NEGR1: variants seen among roughly 807,000 people sequenced by gnomAD.
NEGR1 encodes the protein IgLON family member 4.
Under a neutral mutation model 40.9 loss-of-function variants are expected in NEGR1, and 10 were observed. The ratio of observed to expected loss-of-function variants is 0.24; its 90% CI spans 0.15 to 0.42. The LOEUF is 0.42. Among genes scored for constraint, NEGR1 ranks in the 10% least tolerant of loss-of-function variants. NEGR1 has a pLI of 1.00. For missense variants in NEGR1, 352 were observed against 438.9 expected (o/e 0.80, Z 1.77); for synonymous variants, 185 against 166.8 (o/e 1.11, Z -0.84).
At chr1:72,160,153 AG>A (rs1378609338) in intron 1 of NEGR1, among the ~76,000 whole-genome samples, 2 of 152,146 alleles carry the variant, frequency 1.3e-5, no homozygotes, top group African/African-American at 4.8e-5. Context: ...AGCAGAACTG[AG>A]TGTGAAACTA....
rs1649423541 is a variant in NEGR1, at chr1:72,112,705, A to C, written c.176+169614T>G. On this transcript the variant is annotated intron_variant, in intron 1 of 6. Transcript: ENST00000357731. ...GAGGGGGAAAGAAAAAAAAATGAAG[A>C]AAGAGTGATCTGAAGGTTACCAGTA... is the stretch of plus-strand genomic sequence containing the variant. Among the ~76,000 whole-genome samples, 8 of 151,438 alleles carry C rather than the reference A, an allele frequency of 5.3e-5. No individual in the cohort carries two copies. The Admixed American group carries it at 5.3e-4, about 10-fold the overall frequency.
intron 2 of NEGR1, among the ~76,000 whole-genome samples, chr1:71,913,557 G>A (rs1661483983): frequency 1.3e-5 from 2 of 152,118 alleles, no homozygotes; most frequent in South Asian, 4.1e-4. Flanking sequence ...CTCAGCCTTA[G>A]CAATTCGATT....
chr1:71,931,619 A>G (rs115442446), intron 2 of NEGR1, among the ~76,000 whole-genome samples: 2,454 of 152,128 alleles, frequency 0.016, 64 homozygotes, highest in African/African-American at 0.056. Context: ...CACAACAACT[A>G]ACCCAATCCC....
At chr1:71,736,378 G>T (rs1339988736) in intron 3 of NEGR1, among the ~76,000 whole-genome samples, 1 of 152,052 alleles carries the variant, frequency 6.6e-6, no homozygotes, top group Non-Finnish European at 1.5e-5. Context: ...TAGAGATTTT[G>T]AAAATGTAAG....
chr1:71,560,208 T>A (rs1456729852), intron 6 of NEGR1, among the ~76,000 whole-genome samples: 1 of 151,208 alleles, frequency 6.6e-6, no homozygotes, highest in Non-Finnish European at 1.5e-5. Flanking sequence ...TCTATTCTTA[T>A]AGTTTCCACT....
At chr1:71,547,180 C>G (rs1364405825) in intron 6 of NEGR1, among the ~76,000 whole-genome samples, 1 of 151,694 alleles carries the variant, frequency 6.6e-6, no homozygotes, top group East Asian at 2.0e-4. Flanking sequence ...GAGGAAAACT[C>G]TTTATGAATA....
intron 5 of NEGR1, among the ~76,000 whole-genome samples, chr1:71,601,722 C>G (rs1649924414): frequency 6.6e-6 from 1 of 152,116 alleles, no homozygotes; most frequent in African/African-American, 2.4e-5. Flanking sequence ...AAATCGAATA[C>G]TGCATTCTCA....
chr1:72,111,110 A>G (rs926804240), intron 1 of NEGR1, among the ~76,000 whole-genome samples: 1 of 140,696 alleles, frequency 7.1e-6, no homozygotes, highest in Non-Finnish European at 1.6e-5. Context: ...ACACACACAC[A>G]CGTATATATA....
intron 6 of NEGR1, among the ~76,000 whole-genome samples, chr1:71,531,457 G>A (rs1192792773): frequency 6.6e-6 from 1 of 151,284 alleles, no homozygotes; most frequent in Non-Finnish European, 1.5e-5. Context: ...ATAGAGAAAA[G>A]AAGATCAAAA....
intron 1 of NEGR1, among the ~76,000 whole-genome samples, chr1:72,114,742 G>A (rs961603741): frequency 1.3e-5 from 2 of 151,750 alleles, no homozygotes; most frequent in Admixed American, 1.3e-4. Flanking sequence ...TGGTTTTAAA[G>A]AAAGCAAGAC....
intron 1 of NEGR1, among the ~76,000 whole-genome samples, chr1:72,086,495 G>A (rs931985844): frequency 6.6e-6 from 1 of 152,222 alleles, no homozygotes; most frequent in Non-Finnish European, 1.5e-5. Context: ...TTACTCCGTT[G>A]TGTGGAATAT....
intron 1 of NEGR1, among the ~76,000 whole-genome samples, chr1:72,196,276 C>T (rs906277689): frequency 2.0e-5 from 3 of 151,916 alleles, no homozygotes; most frequent in African/African-American, 7.2e-5. Flanking sequence ...CTGTATATTG[C>T]AAAAATTTCA....
intron 6 of NEGR1, among the ~76,000 whole-genome samples, chr1:71,503,441 A>C (rs968954465): frequency 2.0e-5 from 3 of 152,182 alleles, no homozygotes; most frequent in Admixed American, 6.5e-5. Flanking sequence ...AATAGGGGAC[A>C]GGAAGATCAA....
At chr1:71,856,053 G>A (rs1299694581) in intron 2 of NEGR1, among the ~76,000 whole-genome samples, 1 of 151,926 alleles carries the variant, frequency 6.6e-6, no homozygotes, top group Non-Finnish European at 1.5e-5. Context: ...CCATTCCCAT[G>A]AGCCCTTCTG....
intron 4 of NEGR1, among the ~76,000 whole-genome samples, chr1:71,630,880 T>C (rs982737793): frequency 1.3e-5 from 2 of 151,956 alleles, no homozygotes; most frequent in African/African-American, 4.8e-5. Flanking sequence ...GCTTTGGGAC[T>C]TTCATGCATA....
At position 72,122,296 on chromosome 1, in the gene NEGR1, G is replaced by C. The variant is rs1208330457; in HGVS notation, c.176+160023C>G. ...TTGTGTTGGCAAATGGGAAATCCCA[G>C]AGTGAGTGAATAAACAGGAAGCTTC... On this transcript the variant is annotated intron_variant, in intron 1 of 6. Coordinates refer to ENST00000357731, the MANE Select transcript of NEGR1 (RefSeq NM_173808.3). Among the ~76,000 whole-genome samples, 5 of 152,068 alleles carry C rather than the reference G, an allele frequency of 3.3e-5. No homozygotes were observed. The East Asian group carries it at 9.7e-4, about 29-fold the overall frequency.
chr1:71,888,667 C>A (rs1325443059), intron 2 of NEGR1, among the ~76,000 whole-genome samples: 3 of 119,518 alleles, frequency 2.5e-5, no homozygotes, highest in East Asian at 2.5e-4. Flanking sequence ...CCCAGGCTTG[C>A]TTAGGTAAAC....
chr1:72,024,018 G>T (rs1319917672), intron 1 of NEGR1, among the ~76,000 whole-genome samples: 1 of 151,942 alleles, frequency 6.6e-6, no homozygotes, highest in African/African-American at 2.4e-5. Context: ...CATTATATAA[G>T]CTATCATATT....
intron 6 of NEGR1, among the ~76,000 whole-genome samples, chr1:71,509,249 C>A (rs540225131): frequency 6.6e-6 from 1 of 152,200 alleles, no homozygotes; most frequent in Non-Finnish European, 1.5e-5. Context: ...CATATTGGCT[C>A]TATACCAGGA....
Sources: allele counts gnomAD v4.1 joint callset (sites outside exome capture counted in the v4.1 genomes callset), GRCh38; gene constraint gnomAD v4.1.1; transcripts MANE v1.5; gene names NCBI Gene and HGNC (gene_info 2026-07-23, HGNC 2026-07-21).